Variants in PCDHGB7 observed in about 807,000 individuals in gnomAD.
The protein encoded by PCDHGB7 is protocadherin gamma-B7.
In PCDHGB7, 37 loss-of-function variants were observed where a neutral mutation model predicts 61.4. The ratio of observed to expected loss-of-function variants is 0.60; its 90% CI spans 0.46 to 0.79. PCDHGB7 has a LOEUF of 0.79. PCDHGB7 is among the 30% of genes least tolerant of loss of function. The pLI is 0.00. For synonymous variants in PCDHGB7, 464 were observed against 503.5 expected, an observed-to-expected ratio of 0.92 and a Z score of 1.05; for missense variants, 1,166 against 1,202.5, an observed-to-expected ratio of 0.97 and a Z score of 0.45.
chr5:141,478,352 G>T lies in PCDHGB7; in HGVS notation c.2416-16455G>T, dbSNP rs767743120. 36 of 1,613,674 alleles carry T rather than the reference G, an allele frequency of 2.2e-5. No homozygotes were observed. Among genetic ancestry groups the T allele is most frequent in the Non-Finnish European group, 3.1e-5 (36 of 1,180,016 alleles). On this transcript the variant is annotated intron_variant, in intron 1 of 3. Transcript: ENST00000398594. ...ACCAGGGCCCTCCTTGCACGCGGACGCCGTGCGGGGAGGCCTGATGTCGCC... is the reference window on the plus strand; with the variant it reads ...ACCAGGGCCCTCCTTGCACGCGGACTCCGTGCGGGGAGGCCTGATGTCGCC...
rs71583649 is a variant in PCDHGB7, at chr5:141,491,361, C to A, written c.2416-3446C>A. On this transcript the variant is annotated intron_variant, in intron 1 of 3. Transcript: ENST00000398594. The surrounding 1 kb of genome is among the most constrained non-coding windows in gnomAD (Gnocchi z 6.9). The stretch of plus-strand genomic sequence containing the variant: ...CGACCGTCAGTCTCTTATCCCTAGT[C>A]ACCTTCACCTTTCTGTCAGCGAAGT... 1.0e-3 allele frequency: 1,614 copies of A among 1,614,132 alleles called. 5 individuals carry two copies. The highest frequency in any genetic ancestry group is 5.1e-3 in the Middle Eastern group (31 of 6,062).
chr5:141,466,510 A>AT (rs1222513096), intron 1 of PCDHGB7, among the ~76,000 whole-genome samples: 1 of 151,938 alleles, frequency 6.6e-6, no homozygotes, highest in African/African-American at 2.4e-5. Context: ...AGACAAGATC[A>AT]TTTTTTTTCC....
chr5:141,431,206 G>A lies in PCDHGB7; in HGVS notation c.2415+10932G>A, dbSNP rs17097300. On this transcript the variant is annotated intron_variant, in intron 1 of 3. Coordinates refer to ENST00000398594, the MANE Select transcript of PCDHGB7 (RefSeq NM_018927.4). The surrounding 1 kb of genome is among the most constrained non-coding windows in gnomAD (Gnocchi z 4.8). ...AAATTAGTGAAAATGCAGCCACTGA[G>A]ATGCGGTTCCCTCTACCCCACGCCT... The A allele has an allele frequency of 0.041, 66,767 of 1,614,172 alleles. 3,763 individuals carry two copies. Among genetic ancestry groups the A allele is most frequent in the Admixed American group, 0.27 (16,026 of 60,028 alleles).
chr5:141,421,380 G>A, intron 1 of PCDHGB7: 1 of 1,614,064 alleles, frequency 6.2e-7, no homozygotes, highest in Non-Finnish European at 8.5e-7. Context: ...ATATCTCCAA[G>A]GACCTGGGGC....
intron 1 of PCDHGB7, chr5:141,427,916 G>T: frequency 1.3e-6 from 2 of 1,578,854 alleles, no homozygotes; most frequent in East Asian, 2.2e-5. Flanking sequence ...GCGCCAACAT[G>T]AGCCGGCGCA....
At chr5:141,470,648 C>T (rs1188305813) in intron 1 of PCDHGB7, among the ~76,000 whole-genome samples, 1 of 152,066 alleles carries the variant, frequency 6.6e-6, no homozygotes, top group Non-Finnish European at 1.5e-5. Context: ...TTTGAAGGCC[C>T]CTACCCTTTG....
intron 1 of PCDHGB7, among the ~76,000 whole-genome samples, chr5:141,445,077 T>C (rs778919022): frequency 5.9e-5 from 9 of 152,242 alleles, no homozygotes; most frequent in Non-Finnish European, 1.2e-4. Flanking sequence ...CTCATTAAAT[T>C]GTCCCTACAT....
In PCDHGB7 at chr5:141,419,259, C is replaced by A. The variant is rs765877993; in HGVS notation, c.1400C>A (p.Pro467Gln). The part of the protein sequence containing the change: ...YLVHVPENNQ[P>Q]GASIAQVSAS... ...GTCCACGTGCCAGAAAACAACCAGC[C>A]GGGTGCCTCCATAGCGCAAGTCAGT... is the stretch of plus-strand genomic sequence containing the variant. Residue 467 changes from proline to glutamine, a missense_variant, in exon 1 of 4, where the codon CCG becomes CAG. Transcript: ENST00000398594. The A allele has an allele frequency of 6.8e-6, 11 of 1,614,016 alleles. No individual in the cohort carries two copies. The highest frequency in any genetic ancestry group is 9.3e-6 in the Non-Finnish European group (11 of 1,179,898).
intron 1 of PCDHGB7, among the ~76,000 whole-genome samples, chr5:141,461,288 A>G (rs1049761514): frequency 2.0e-5 from 3 of 152,092 alleles, no homozygotes; most frequent in Admixed American, 1.3e-4. Flanking sequence ...CCCCACATCC[A>G]CACCAACATC....
intron 1 of PCDHGB7, among the ~76,000 whole-genome samples, chr5:141,469,914 C>T (rs1451982311): frequency 6.6e-6 from 1 of 152,082 alleles, no homozygotes. Flanking sequence ...GCAGACCACC[C>T]GAGGTCAGGA....
chr5:141,470,911 G>A (rs1208467445), intron 1 of PCDHGB7, among the ~76,000 whole-genome samples: 1 of 151,916 alleles, frequency 6.6e-6, no homozygotes, highest in Non-Finnish European at 1.5e-5. Context: ...AGATGGGACT[G>A]TCCCTATGTT....
intron 2 of PCDHGB7, among the ~76,000 whole-genome samples, chr5:141,504,351 G>C (rs77439649): frequency 0.021 from 3,233 of 152,120 alleles, 109 homozygotes; most frequent in African/African-American, 0.075. Context: ...CTTTGTGCTA[G>C]GTGCTTCAGT....
chr5:141,449,592 A>C (rs1344646010), intron 1 of PCDHGB7, among the ~76,000 whole-genome samples: 1 of 150,266 alleles, frequency 6.7e-6, no homozygotes, highest in African/African-American at 2.4e-5. Context: ...CTGTCTCAAA[A>C]AAAAAAAAAA....
At chr5:141,460,088 A>C (rs1225262213) in intron 1 of PCDHGB7, among the ~76,000 whole-genome samples, 2 of 151,990 alleles carry the variant, frequency 1.3e-5, no homozygotes, top group Non-Finnish European at 2.9e-5. Flanking sequence ...AAAAATAATA[A>C]TTATACATGT....
chr5:141,446,398 G>A (rs1379233102), intron 1 of PCDHGB7, among the ~76,000 whole-genome samples: 2 of 152,128 alleles, frequency 1.3e-5, no homozygotes, highest in African/African-American at 2.4e-5. Context: ...AAGAGAAATC[G>A]AGTTGAGTTC....
At chr5:141,450,796 G>GTATT (rs1490825772) in intron 1 of PCDHGB7, among the ~76,000 whole-genome samples, 8 of 145,976 alleles carry the variant, frequency 5.5e-5, no homozygotes, top group African/African-American at 1.8e-4. Flanking sequence ...CCTCATGATT[G>GTATT]TATTTATTTA....
chr5:141,423,156 C>G, intron 1 of PCDHGB7: 1 of 1,613,388 alleles, frequency 6.2e-7, no homozygotes, highest in Non-Finnish European at 8.5e-7. Flanking sequence ...AGCAGAGCCT[C>G]GTGGTGGCCG....
chr5:141,475,572 C>T (rs2099365596), intron 1 of PCDHGB7, among the ~76,000 whole-genome samples: 1 of 152,214 alleles, frequency 6.6e-6, no homozygotes, highest in South Asian at 2.1e-4. Context: ...TTCCAACAAG[C>T]CAGATTTGTT....
chr5:141,430,534 C>CT (rs962032641), intron 1 of PCDHGB7: 2 of 381,726 alleles, frequency 5.2e-6, no homozygotes, highest in Non-Finnish European at 9.2e-6. Context: ...GGTTAGGACT[C>CT]TGAGCGCCGC....
Sources: gnomAD v4.1 joint callset for allele counts (sites outside exome capture counted in the v4.1 genomes callset) on GRCh38, gnomAD v4.1.1 for gene constraint, Gnocchi (gnomAD v3.1) non-coding constraint, MANE v1.5 for transcripts, NCBI Gene and HGNC (gene_info 2026-07-23, HGNC 2026-07-21) for gene names.